Variants in NDST4 observed in about 807,000 individuals in gnomAD.
The protein encoded by NDST4 is N-heparan sulfate sulfotransferase 4.
A neutral mutation model predicts 100.8 loss-of-function variants in NDST4; 63 were observed. The ratio of observed to expected loss-of-function variants is 0.62; its 90% CI spans 0.51 to 0.77. The LOEUF is 0.77. Among genes scored for constraint, NDST4 ranks in the 30% least tolerant of loss-of-function variants. The probability of loss-of-function intolerance (pLI) is 0.00; values close to 1 mark genes in which losing one functional copy is unlikely to be tolerated. For missense variants in NDST4, 943 were observed against 1,018.4 expected, an observed-to-expected ratio of 0.93 and a Z score of 1.01; for synonymous variants, 377 against 361.8, an observed-to-expected ratio of 1.04 and a Z score of -0.48.
chr4:114,881,733 A>T (rs913391416), intron 6 of NDST4, among the ~76,000 whole-genome samples: 1 of 152,134 alleles, frequency 6.6e-6, no homozygotes, highest in African/African-American at 2.4e-5. Flanking sequence ...CATAAGAGAC[A>T]TGTTTGTAAT....
Position 115,059,004 on chromosome 4 carries a change from C to CAG in NDST4, c.978+17054_978+17055insCT, listed in dbSNP as rs540339968. On this transcript the variant is annotated intron_variant, in intron 2 of 13. Coordinates refer to ENST00000264363, the MANE Select transcript of NDST4 (RefSeq NM_022569.3). Reference sequence around the variant, plus strand: ...CTACACACACACACACACACACACACGCTCAAAATTAGATTTATTGAGGTC... The same window carrying CAG: ...CTACACACACACACACACACACACACAGGCTCAAAATTAGATTTATTGAGGTC... 4.7e-3 allele frequency among the ~76,000 whole-genome samples: 707 copies of CAG among 151,772 alleles called. 8 individuals carry two copies. The highest frequency in any genetic ancestry group is 0.015 in the African/African-American group (641 of 41,382).
intron 2 of NDST4, among the ~76,000 whole-genome samples, chr4:115,002,484 A>G (rs1349963550): frequency 6.6e-6 from 1 of 152,168 alleles, no homozygotes; most frequent in Non-Finnish European, 1.5e-5. Context: ...TGCTGTGCAG[A>G]AGCTCTTTAG....
chr4:115,102,522 T>C (rs184589344), intron 1 of NDST4, among the ~76,000 whole-genome samples: 6 of 152,060 alleles, frequency 3.9e-5, no homozygotes, highest in Non-Finnish European at 7.4e-5. Context: ...AGAAGTTACA[T>C]TAATATCCAT....
chr4:114,929,113 C>CATCTATCTATCTATCTATCTATCT (rs70964332), intron 6 of NDST4, among the ~76,000 whole-genome samples: 10 of 117,492 alleles, frequency 8.5e-5, no homozygotes, highest in East Asian at 4.9e-4. Flanking sequence ...TCCATCCATC[C>CATCTATCTATCTATCTATCTATCT]ATCTATCTAT....
chr4:114,848,819 A>C (rs201188733), intron 8 of NDST4, among the ~76,000 whole-genome samples: 1 of 152,214 alleles, frequency 6.6e-6, no homozygotes, highest in Non-Finnish European at 1.5e-5. Flanking sequence ...CTCTTGATTA[A>C]GAAAACACAT....
At chr4:115,052,156 G>A (rs1187306961) in intron 2 of NDST4, among the ~76,000 whole-genome samples, 4 of 152,078 alleles carry the variant, frequency 2.6e-5, no homozygotes, top group African/African-American at 9.6e-5. Flanking sequence ...TGAGCTTCCC[G>A]AATATTGATA....
intron 6 of NDST4, among the ~76,000 whole-genome samples, chr4:114,929,237 G>A (rs1725461764): frequency 6.6e-6 from 1 of 151,982 alleles, no homozygotes; most frequent in Non-Finnish European, 1.5e-5. Context: ...GCCTATGCAA[G>A]CCGGGAAGTA....
chr4:114,876,908 T>C (rs1724265536), intron 6 of NDST4, among the ~76,000 whole-genome samples: 1 of 152,204 alleles, frequency 6.6e-6, no homozygotes, highest in African/African-American at 2.4e-5. Context: ...AGAAACTATC[T>C]TATTTATGAG....
At chr4:114,980,848 T>C (rs942576422) in intron 2 of NDST4, among the ~76,000 whole-genome samples, 1 of 152,132 alleles carries the variant, frequency 6.6e-6, no homozygotes, top group Non-Finnish European at 1.5e-5. Context: ...TAAAAATCAA[T>C]AATTTATTAT....
intron 5 of NDST4, among the ~76,000 whole-genome samples, chr4:114,936,718 T>G (rs978731923): frequency 2.0e-5 from 3 of 152,196 alleles, no homozygotes; most frequent in Non-Finnish European, 2.9e-5. Context: ...TTTATTAGGA[T>G]TCCTACATCC....
At chr4:115,054,435 C>T (rs1453285804) in intron 2 of NDST4, among the ~76,000 whole-genome samples, 3 of 152,100 alleles carry the variant, frequency 2.0e-5, no homozygotes, top group Admixed American at 2.0e-4. Flanking sequence ...GGGCACACAA[C>T]TTCTAAGTTA....
chr4:114,988,306 A>G (rs1369414069), intron 2 of NDST4, among the ~76,000 whole-genome samples: 1 of 148,724 alleles, frequency 6.7e-6, no homozygotes, highest in Non-Finnish European at 1.5e-5. Context: ...GAAAATTTTC[A>G]TATGATACGT....
At chr4:115,081,013 A>AT (rs969426766) in intron 1 of NDST4, among the ~76,000 whole-genome samples, 2 of 152,022 alleles carry the variant, frequency 1.3e-5, no homozygotes, top group African/African-American at 4.8e-5. Flanking sequence ...TAAAAATGTG[A>AT]TTTTTATTTT....
intron 7 of NDST4, among the ~76,000 whole-genome samples, chr4:114,864,426 A>T (rs1723981058): frequency 6.6e-6 from 1 of 152,024 alleles, no homozygotes; most frequent in African/African-American, 2.4e-5. Context: ...CTGCTTATTG[A>T]GTCTTGCTCT....
At chr4:114,966,726 C>T (rs918071507) in intron 4 of NDST4, among the ~76,000 whole-genome samples, 1 of 152,030 alleles carries the variant, frequency 6.6e-6, no homozygotes, top group Non-Finnish European at 1.5e-5. Context: ...ATAATTGCTT[C>T]AATTCCAGCT....
chr4:115,105,735 C>T (rs1158090404), intron 1 of NDST4, among the ~76,000 whole-genome samples: 1 of 152,160 alleles, frequency 6.6e-6, no homozygotes, highest in African/African-American at 2.4e-5. Flanking sequence ...TAGAATCTCA[C>T]TGATTTTTAG....
chr4:114,990,988 A>G (rs1727024832), intron 2 of NDST4, among the ~76,000 whole-genome samples: 2 of 151,952 alleles, frequency 1.3e-5, no homozygotes, highest in Non-Finnish European at 2.9e-5. Flanking sequence ...TGAGTTCATT[A>G]TTTGCTGTCT....
chr4:114,869,002 C>T (rs1418684396), intron 7 of NDST4, among the ~76,000 whole-genome samples: 2 of 149,768 alleles, frequency 1.3e-5, no homozygotes, highest in Non-Finnish European at 3.0e-5. Flanking sequence ...TAATTTCTTA[C>T]AGAATAATCC....
intron 6 of NDST4, among the ~76,000 whole-genome samples, chr4:114,920,368 A>C (rs1725263231): frequency 6.6e-6 from 1 of 152,298 alleles, no homozygotes; most frequent in Non-Finnish European, 1.5e-5. Flanking sequence ...GACTTCTAAA[A>C]ATAAATTGCA....
Sources: allele counts gnomAD v4.1 joint callset (sites outside exome capture counted in the v4.1 genomes callset), GRCh38; gene constraint gnomAD v4.1.1; transcripts MANE v1.5; gene names NCBI Gene and HGNC (gene_info 2026-07-23, HGNC 2026-07-21).